The following TM2D1 variants were observed in gnomAD, a reference collection of about 807,000 sequenced individuals.
TM2D1 encodes TM2 domain containing 1, also known as TM2 domain-containing protein 1.
A neutral mutation model predicts 28.4 loss-of-function variants in TM2D1; 15 were observed. The observed-to-expected ratio is 0.53, with a 90% CI of 0.35 to 0.81. TM2D1 has a LOEUF of 0.81. Among genes scored for constraint, TM2D1 ranks in the 40% least tolerant of loss-of-function variants. The probability of loss-of-function intolerance (pLI) is 0.01; values close to 1 mark genes in which losing one functional copy is unlikely to be tolerated. For synonymous variants in TM2D1, 93 were observed against 96.2 expected (o/e 0.97, Z 0.20); for missense variants, 236 against 254.9 (o/e 0.93, Z 0.50).
At chr1:61,719,123 G>A (rs1441407047) in intron 2 of TM2D1, among the ~76,000 whole-genome samples, 6 of 152,112 alleles carry the variant, frequency 3.9e-5, no homozygotes, top group Non-Finnish European at 8.8e-5. Flanking sequence ...AGGCTAGAGT[G>A]CACTGACACA....
intron 2 of TM2D1, among the ~76,000 whole-genome samples, chr1:61,710,290 G>A (rs574062517): frequency 2.6e-4 from 40 of 151,490 alleles, no homozygotes; most frequent in Non-Finnish European, 5.3e-4. Context: ...GCCAGGCATG[G>A]TGGCTTGTGC....
intron 4 of TM2D1, among the ~76,000 whole-genome samples, chr1:61,696,555 A>G (rs1021516133): frequency 5.9e-5 from 9 of 151,966 alleles, no homozygotes; most frequent in East Asian, 3.9e-4. Context: ...AAAAAAAAAA[A>G]AAAGAAAGAA....
At chr1:61,711,737 A>C (rs1206743942) in intron 2 of TM2D1, among the ~76,000 whole-genome samples, 9 of 152,178 alleles carry the variant, frequency 5.9e-5, no homozygotes. Flanking sequence ...TTTGCCAATG[A>C]ATTAATGTGA....
intron 2 of TM2D1, among the ~76,000 whole-genome samples, chr1:61,715,088 T>C (rs765866196): frequency 2.6e-5 from 4 of 152,174 alleles, no homozygotes; most frequent in Non-Finnish European, 4.4e-5. Flanking sequence ...ACATTTGAGC[T>C]ACTTATTTCA....
chr1:61,724,895 G>A (rs543158404), intron 1 of TM2D1, 62 bp downstream of exon 1: 1 of 1,506,272 alleles, frequency 6.6e-7, no homozygotes. Context: ...TGACGGCAGC[G>A]ACCCACCTGC....
intron 1 of TM2D1, among the ~76,000 whole-genome samples, chr1:61,724,598 T>G (rs1475007003): frequency 6.6e-6 from 1 of 152,148 alleles, no homozygotes; most frequent in Non-Finnish European, 1.5e-5. Flanking sequence ...TGGCAAACAT[T>G]TCCAGGGTAA....
chr1:61,723,607 T>C (rs149755904), intron 2 of TM2D1, 106 bp downstream of exon 2: 2 of 536,946 alleles, frequency 3.7e-6, no homozygotes, highest in Non-Finnish European at 6.4e-6. Flanking sequence ...AATAATGTTA[T>C]CATTTAGAAA....
intron 5 of TM2D1, among the ~76,000 whole-genome samples, chr1:61,689,219 G>A (rs1434554906): frequency 6.6e-6 from 1 of 152,116 alleles, no homozygotes; most frequent in African/African-American, 2.4e-5. Flanking sequence ...TCACATAGAC[G>A]TGATTCCATA....
intron 5 of TM2D1, among the ~76,000 whole-genome samples, chr1:61,688,730 C>A (rs1262389249): frequency 7.3e-5 from 10 of 136,852 alleles, no homozygotes; most frequent in Admixed American, 4.5e-4. Flanking sequence ...CCCCCCACCG[C>A]CCCCCGCCAC....
intron 4 of TM2D1, among the ~76,000 whole-genome samples, chr1:61,695,624 A>G (rs1019037994): frequency 1.3e-5 from 2 of 152,186 alleles, no homozygotes; most frequent in Admixed American, 6.5e-5. Flanking sequence ...ATGCCAGCTA[A>G]AAATCCTAAG....
intron 2 of TM2D1, among the ~76,000 whole-genome samples, chr1:61,716,508 TTTATATATGTATATAA>T (rs1370481286): frequency 6.9e-6 from 1 of 145,668 alleles, no homozygotes; most frequent in Admixed American, 7.0e-5. Flanking sequence ...TATATATAAT[TTTATATATGTATATAA>T]TTATATATGT....
At chr1:61,699,933 C>T in intron 4 of TM2D1, 1 of 385,086 alleles carries the variant, frequency 2.6e-6, no homozygotes, top group Non-Finnish European at 4.4e-6. Flanking sequence ...TACCATCAAC[C>T]CCACAGTGAA....
At chr1:61,718,816 C>A (rs1644540881) in intron 2 of TM2D1, among the ~76,000 whole-genome samples, 1 of 152,096 alleles carries the variant, frequency 6.6e-6, no homozygotes, top group Non-Finnish European at 1.5e-5. Flanking sequence ...AGGCTGTAGT[C>A]ATCAAACATG....
chr1:61,714,188 C>A (rs1474688566), intron 2 of TM2D1, among the ~76,000 whole-genome samples: 2 of 149,492 alleles, frequency 1.3e-5, no homozygotes, highest in African/African-American at 2.4e-5. Context: ...AGCCACCGCG[C>A]CCGGCCAAAA....
intron 1 of TM2D1, 64 bp downstream of exon 1, chr1:61,724,893 G>A: frequency 6.7e-7 from 1 of 1,502,436 alleles, no homozygotes; most frequent in Non-Finnish European, 8.9e-7. Flanking sequence ...CCTGACGGCA[G>A]CGACCCACCT....
At chr1:61,691,932 A>AAAAATATATATATATATATATATAT in intron 5 of TM2D1, among the ~76,000 whole-genome samples, 10 of 76,394 alleles carry the variant, frequency 1.3e-4, no homozygotes, top group East Asian at 4.8e-4. Flanking sequence ...AAAAAAAAAA[A>AAAAATATATATATATATATATATAT]ATATATATAT....
At chr1:61,701,310 C>CAAAAAAAAAAAAAAAAAAAAAATAAAAAA (rs1644399071) in intron 3 of TM2D1, among the ~76,000 whole-genome samples, 1 of 84,044 alleles carries the variant, frequency 1.2e-5, no homozygotes, top group Non-Finnish European at 2.2e-5. Context: ...TAAATGTTAA[C>CAAAAAAAAAAAAAAAAAAAAAATAAAAAA]AAAAAAAAAA....
chr1:61,697,972 C>T (rs1424802854), intron 4 of TM2D1: 1 of 152,164 alleles, frequency 6.6e-6, no homozygotes, highest in Non-Finnish European at 1.5e-5. Flanking sequence ...AGAAAGTGTT[C>T]TGTAGCAAAG....
At chr1:61,722,250 C>T (rs1644573458) in intron 2 of TM2D1, among the ~76,000 whole-genome samples, 1 of 152,078 alleles carries the variant, frequency 6.6e-6, no homozygotes, top group African/African-American at 2.4e-5. Context: ...GGCACCACTG[C>T]ACTCCAGCCT....
Sources: allele counts gnomAD v4.1 joint callset (sites outside exome capture counted in the v4.1 genomes callset), GRCh38; gene constraint gnomAD v4.1.1; transcripts MANE v1.5; gene names NCBI Gene and HGNC (gene_info 2026-07-23, HGNC 2026-07-21).